The following ANO1 variants were observed in gnomAD, a reference collection of about 807,000 sequenced individuals.
ANO1 encodes anoctamin-1.
In ANO1, 59 loss-of-function variants were observed where a neutral mutation model predicts 124.0. The ratio of observed to expected loss-of-function variants is 0.48; its 90% CI spans 0.39 to 0.59. The LOEUF (loss-of-function observed/expected upper bound fraction) is 0.59, where lower values mean the gene tolerates loss of function less well. Among genes scored for constraint, ANO1 ranks in the 20% least tolerant of loss-of-function variants. The pLI is 0.00. For missense variants in ANO1, 1,059 were observed against 1,328.0 expected (o/e 0.80, Z 3.15); for synonymous variants, 529 against 532.0 (o/e 0.99, Z 0.08).
At chr11:70,044,717 CA>C (rs1260921443) in intron 1 of ANO1, among the ~76,000 whole-genome samples, 15 of 152,064 alleles carry the variant, frequency 9.9e-5, no homozygotes, top group African/African-American at 3.4e-4. Context: ...TTATTAATTA[CA>C]AAGGTCAAAA....
In ANO1 at chr11:70,126,086, C is replaced by T. The variant is rs1751284058; in HGVS notation, c.988C>T (p.Leu330=). 2.5e-6 allele frequency: 4 copies of T among 1,611,966 alleles called. No individual in the cohort carries two copies. The highest frequency in any genetic ancestry group is 1.1e-5 in the South Asian group (1 of 90,482). ...VRKYFGEKIG[L]YFAWLGVYTQ... ...GAAGTATTTTGGGGAGAAGATCGGCCTGTACTTCGCCTGGCTGGGCGTGTA... is the reference window on the plus strand; with the variant it reads ...GAAGTATTTTGGGGAGAAGATCGGCTTGTACTTCGCCTGGCTGGGCGTGTA... Residue 330 remains leucine (L), a synonymous_variant, in exon 10 of 26, where the codon CTG becomes TTG. Coordinates refer to ENST00000355303, the MANE Select transcript of ANO1 (RefSeq NM_018043.7).
At chr11:70,158,324 C>T (rs902938098) in intron 16 of ANO1, among the ~76,000 whole-genome samples, 1 of 152,236 alleles carries the variant, frequency 6.6e-6, no homozygotes, top group Non-Finnish European at 1.5e-5. Flanking sequence ...AATGACCCTG[C>T]CCTCGTCCAG....
At chr11:70,063,817 G>C (rs1857653786) in intron 1 of ANO1, 2 of 152,264 alleles carry the variant, frequency 1.3e-5, no homozygotes, top group African/African-American at 4.8e-5. Context: ...CCAGACTCAG[G>C]TCTTCCCTGC....
chr11:70,106,243 A>G (rs556940197), intron 5 of ANO1, among the ~76,000 whole-genome samples: 119 of 152,302 alleles, frequency 7.8e-4, no homozygotes, highest in Non-Finnish European at 1.3e-3. Context: ...AGAGGAGCCA[A>G]CTGAGGTTTG....
intron 1 of ANO1, among the ~76,000 whole-genome samples, chr11:70,028,057 G>T (rs1856940498): frequency 1.3e-5 from 2 of 152,184 alleles, no homozygotes; most frequent in African/African-American, 2.4e-5. Context: ...TTCAATAAAA[G>T]TTAAGGTACT....
chr11:70,094,262 A>T (rs989088181), intron 2 of ANO1, among the ~76,000 whole-genome samples: 29 of 152,114 alleles, frequency 1.9e-4, no homozygotes, highest in African/African-American at 6.8e-4. Context: ...GTGACCAGGG[A>T]GGGTGGTGGC....
chr11:70,035,770 C>T (rs782544688), intron 1 of ANO1, among the ~76,000 whole-genome samples: 3 of 152,032 alleles, frequency 2.0e-5, no homozygotes, highest in South Asian at 2.1e-4. Flanking sequence ...TAAGAACATG[C>T]GGTGTTTGGT....
intron 1 of ANO1, among the ~76,000 whole-genome samples, chr11:70,083,054 C>A (rs2044250400): frequency 6.6e-6 from 1 of 152,198 alleles, no homozygotes; most frequent in Admixed American, 6.5e-5. Flanking sequence ...GCATCACATC[C>A]AGCTCCTTTT....
the ANO1 span, among the ~76,000 whole-genome samples, chr11:69,975,169 C>T: frequency 1.3e-5 from 2 of 152,184 alleles, no homozygotes; most frequent in Non-Finnish European, 2.9e-5. Flanking sequence ...CACAGGTGCA[C>T]CCGACAGGCC....
At chr11:70,161,939 G>A (rs564767216) in intron 18 of ANO1, among the ~76,000 whole-genome samples, 2 of 152,106 alleles carry the variant, frequency 1.3e-5, no homozygotes, top group Non-Finnish European at 2.9e-5. Flanking sequence ...CAGGTGGCAG[G>A]GAACCCAGGC....
At chr11:70,030,195 T>G (rs1856976601) in intron 1 of ANO1, among the ~76,000 whole-genome samples, 1 of 152,188 alleles carries the variant, frequency 6.6e-6, no homozygotes. Flanking sequence ...GAAGACGCCT[T>G]GGGGGCTGCA....
chr11:70,175,042 G>C (rs11235480), intron 22 of ANO1, among the ~76,000 whole-genome samples: 1 of 150,662 alleles, frequency 6.6e-6, no homozygotes, highest in Non-Finnish European at 1.5e-5. Flanking sequence ...CACAGTGCGC[G>C]TGTGTTTGCT....
At chr11:70,140,478 C>T (rs1301895196) in intron 11 of ANO1, among the ~76,000 whole-genome samples, 1 of 151,732 alleles carries the variant, frequency 6.6e-6, no homozygotes, top group African/African-American at 2.4e-5. Flanking sequence ...TTGCAGTGAG[C>T]CGAGATCATA....
intron 11 of ANO1, among the ~76,000 whole-genome samples, 172 bp downstream of exon 11, chr11:70,132,251 T>A (rs1213754699): frequency 6.6e-6 from 1 of 151,978 alleles, no homozygotes; most frequent in Non-Finnish European, 1.5e-5. Flanking sequence ...GTTACTGGGG[T>A]GCGCAGTGCA....
Position 70,161,304 on chromosome 11 carries a change from G to A in ANO1, c.1722G>A (p.Val574=). The A allele has an allele frequency of 1.2e-6, 2 of 1,613,938 alleles. No individual in the cohort carries two copies. Among genetic ancestry groups the A allele is most frequent in the Non-Finnish European group, 1.7e-6 (2 of 1,179,848 alleles). ...CCACCGCAGTCATCATCAACCTAGT[G>A]GTCATCATCCTCCTGGACGAGGTGT... ...VTATAVIINL[V]VIILLDEVYG... is the part of the protein sequence containing the mutation. Residue 574 remains valine, a synonymous_variant, in exon 17 of 26, where the codon GTG becomes GTA. Coordinates refer to ENST00000355303, the MANE Select transcript of ANO1 (RefSeq NM_018043.7).
intron 1 of ANO1, among the ~76,000 whole-genome samples, chr11:69,991,550 G>C (rs909841820): frequency 1.3e-5 from 2 of 152,228 alleles, no homozygotes; most frequent in African/African-American, 4.8e-5. Context: ...AGTACCAGTT[G>C]TGAACAGAAC....
chr11:70,092,975 G>C (rs575244658), intron 2 of ANO1, among the ~76,000 whole-genome samples: 17 of 151,194 alleles, frequency 1.1e-4, no homozygotes, highest in African/African-American at 3.9e-4. Flanking sequence ...CCTGAGGCAG[G>C]GCCTTCCTTC....
chr11:70,082,123 C>T (rs565071075), intron 1 of ANO1, among the ~76,000 whole-genome samples: 2 of 152,350 alleles, frequency 1.3e-5, no homozygotes, highest in South Asian at 4.1e-4. Context: ...GCTGGCCTGC[C>T]TGGGTCTCAG....
chr11:70,071,167 C>G (rs868912731), intron 1 of ANO1, among the ~76,000 whole-genome samples: 2 of 152,220 alleles, frequency 1.3e-5, no homozygotes, highest in African/African-American at 2.4e-5. Context: ...AAAGGCTACT[C>G]TGTCCTAATA....
Sources: gnomAD v4.1 joint callset for allele counts (sites outside exome capture counted in the v4.1 genomes callset) on GRCh38, gnomAD v4.1.1 for gene constraint, MANE v1.5 for transcripts, NCBI Gene and HGNC (gene_info 2026-07-23, HGNC 2026-07-21) for gene names.